TRPM3: variants seen among roughly 807,000 people sequenced by gnomAD.
TRPM3 encodes the protein long transient receptor potential channel 3.
In TRPM3, 77 loss-of-function variants were observed where a neutral mutation model predicts 181.2. The ratio of observed to expected loss-of-function variants is 0.42; its 90% CI spans 0.35 to 0.51. The LOEUF (loss-of-function observed/expected upper bound fraction) is 0.51, where lower values mean the gene tolerates loss of function less well. TRPM3 is among the 20% of genes least tolerant of loss of function. TRPM3 has a pLI of 0.01. For synonymous variants in TRPM3, 745 were observed against 796.4 expected, an observed-to-expected ratio of 0.94 and a Z score of 1.09; for missense variants, 1,759 against 2,196.7, an observed-to-expected ratio of 0.80 and a Z score of 3.98.
At chr9:71,296,988 CTTTTTTTTTTTT>C (rs398010878) in intron 1 of TRPM3, among the ~76,000 whole-genome samples, 1 of 97,872 alleles carries the variant, frequency 1.0e-5, no homozygotes, top group African/African-American at 3.8e-5. Flanking sequence ...TGAATCTTTT[CTTTTTTTTTTTT>C]TTTTTTTTTG....
chr9:71,073,675 AT>A (rs1167644961), intron 1 of TRPM3, among the ~76,000 whole-genome samples: 5 of 152,130 alleles, frequency 3.3e-5, no homozygotes, highest in African/African-American at 1.2e-4. Context: ...AGAAAATGTT[AT>A]TTCTTGCATT....
chr9:71,114,521 T>C (rs1305645412), intron 1 of TRPM3, among the ~76,000 whole-genome samples: 1 of 152,202 alleles, frequency 6.6e-6, no homozygotes, highest in African/African-American at 2.4e-5. Context: ...ATTGTAAATA[T>C]AATTATGCTT....
chr9:71,301,862 T>C (rs772591265), intron 1 of TRPM3, among the ~76,000 whole-genome samples: 6 of 152,192 alleles, frequency 3.9e-5, no homozygotes, highest in Non-Finnish European at 5.9e-5. Context: ...TAGCATATAG[T>C]AGATGCTTCA....
intron 1 of TRPM3, among the ~76,000 whole-genome samples, chr9:71,228,263 T>G (rs2080820608): frequency 6.6e-6 from 1 of 152,040 alleles, no homozygotes; most frequent in African/African-American, 2.4e-5. Context: ...TGCTGAAAAT[T>G]TTTGCTAAAA....
intron 1 of TRPM3, among the ~76,000 whole-genome samples, chr9:70,922,865 G>C (rs1228039290): frequency 6.6e-6 from 1 of 152,140 alleles, no homozygotes; most frequent in African/African-American, 2.4e-5. Context: ...GATTTTGCAG[G>C]TAACCAGCAT....
chr9:70,759,447 C>A (rs972793826), intron 8 of TRPM3, among the ~76,000 whole-genome samples: 4 of 152,124 alleles, frequency 2.6e-5, no homozygotes, highest in Admixed American at 6.5e-5. Context: ...GATCTAGAAC[C>A]AGAAATACCA....
intron 1 of TRPM3, among the ~76,000 whole-genome samples, chr9:71,018,179 T>C (rs1025845909): frequency 3.5e-4 from 53 of 151,614 alleles, no homozygotes; most frequent in Admixed American, 2.6e-3. Flanking sequence ...TCTAAAGCTG[T>C]ACTTCCAGAG....
At chr9:71,131,855 A>G (rs924905769) in intron 1 of TRPM3, among the ~76,000 whole-genome samples, 1 of 152,236 alleles carries the variant, frequency 6.6e-6, no homozygotes, top group Non-Finnish European at 1.5e-5. Context: ...ACAGGTATCA[A>G]AAATTCAATC....
At chr9:70,847,113 G>A (rs751952624) in intron 3 of TRPM3, among the ~76,000 whole-genome samples, 2 of 152,092 alleles carry the variant, frequency 1.3e-5, no homozygotes, top group South Asian at 2.1e-4. Context: ...CAAATGTAAT[G>A]TTTCTGTATC....
intron 1 of TRPM3, among the ~76,000 whole-genome samples, chr9:71,249,917 T>C (rs1300193016): frequency 1.3e-5 from 2 of 152,240 alleles, no homozygotes; most frequent in Admixed American, 1.3e-4. Context: ...TCACGTGGGA[T>C]GGTTTTCCCA....
intron 1 of TRPM3, among the ~76,000 whole-genome samples, chr9:70,885,751 T>C (rs1027936734): frequency 2.6e-5 from 4 of 152,214 alleles, no homozygotes; most frequent in Non-Finnish European, 5.9e-5. Flanking sequence ...TCCTTCTTTT[T>C]GTACTACATG....
chr9:71,275,697 G>A lies in TRPM3; in HGVS notation c.183+170956C>T, dbSNP rs1419893497. Among the ~76,000 whole-genome samples, 7 of 152,140 alleles carry A rather than the reference G, an allele frequency of 4.6e-5. No individual in the cohort carries two copies. In the East Asian group the frequency reaches 1.3e-3, roughly 29 times the overall value. Reference sequence around the variant, plus strand: ...AAGCCATATTATTGAAGATAGATAGGTATTGGAGTAGTGATTAACAAACAG... The same window carrying A: ...AAGCCATATTATTGAAGATAGATAGATATTGGAGTAGTGATTAACAAACAG... On this transcript the variant is annotated intron_variant, in intron 1 of 24. Transcript: ENST00000357533.
intron 1 of TRPM3, among the ~76,000 whole-genome samples, chr9:70,976,314 CT>C (rs1360928625): frequency 6.6e-5 from 10 of 152,170 alleles, no homozygotes; most frequent in Non-Finnish European, 1.2e-4. Context: ...GGAAACTCAA[CT>C]TCTCCTACCA....
chr9:70,896,668 G>T (rs975312999), intron 1 of TRPM3, among the ~76,000 whole-genome samples: 1 of 152,080 alleles, frequency 6.6e-6, no homozygotes, highest in African/African-American at 2.4e-5. Flanking sequence ...ATCACAACTG[G>T]TATTCATTAT....
intron 1 of TRPM3, among the ~76,000 whole-genome samples, chr9:71,290,967 T>C (rs901095175): frequency 1.3e-4 from 20 of 151,976 alleles, no homozygotes; most frequent in African/African-American, 4.8e-4. Flanking sequence ...ATATCAGCAA[T>C]AATCAATGTA....
At chr9:70,811,217 G>C in intron 6 of TRPM3, 2 of 1,612,062 alleles carry the variant, frequency 1.2e-6, no homozygotes, top group South Asian at 1.1e-5. Context: ...AAACAAGCGG[G>C]AGTCAAGAGA....
At chr9:70,779,836 C>T (rs2082127441) in intron 7 of TRPM3, among the ~76,000 whole-genome samples, 1 of 152,084 alleles carries the variant, frequency 6.6e-6, no homozygotes, top group Admixed American at 6.6e-5. Context: ...ATTAGTGACT[C>T]ATTCTAAACT....
chr9:71,331,709 AAAAAGGAGGAGG>A (rs1264523630), intron 1 of TRPM3, among the ~76,000 whole-genome samples: 5 of 109,822 alleles, frequency 4.6e-5, no homozygotes, highest in Non-Finnish European at 9.6e-5. Context: ...AAAGGAGGAG[AAAAAGGAGGAGG>A]AAAAGGAGGA....
At chr9:71,053,091 GGA>G (rs1491556699) in intron 1 of TRPM3, among the ~76,000 whole-genome samples, 2 of 15,090 alleles carry the variant, frequency 1.3e-4, no homozygotes, top group African/African-American at 4.2e-4. Context: ...ACCATCCTAA[GGA>G]AAAAAAAAAA....
Sources: gnomAD v4.1 joint callset for allele counts (sites outside exome capture counted in the v4.1 genomes callset) on GRCh38, gnomAD v4.1.1 for gene constraint, MANE v1.5 for transcripts, NCBI Gene and HGNC (gene_info 2026-07-23, HGNC 2026-07-21) for gene names.